Variants in QKI observed in about 807,000 individuals in gnomAD.
The protein encoded by QKI is KH domain-containing RNA-binding protein QKI.
QKI carries 10 observed loss-of-function variants against 39.0 expected under a neutral mutation model. The observed-to-expected ratio is 0.26, with a 90% CI of 0.16 to 0.43. The LOEUF (loss-of-function observed/expected upper bound fraction) is 0.43. Ranked by LOEUF, QKI falls within the 20% of genes least tolerant of loss-of-function variation. QKI has a pLI of 1.00. For synonymous variants in QKI, 204 were observed against 155.4 expected (o/e 1.31, Z -2.33); for missense variants, 218 against 428.0 (o/e 0.51, Z 4.33).
intron 7 of QKI, 140 bp downstream of exon 7, chr6:163,566,935 T>G (rs1259300034): frequency 6.9e-7 from 1 of 1,442,708 alleles, no homozygotes; most frequent in South Asian, 1.5e-5. Flanking sequence ...TTGTGATCAT[T>G]GACAGATTTA....
intron 7 of QKI, chr6:163,570,490 A>G (rs1025527559): frequency 5.1e-6 from 5 of 983,444 alleles, no homozygotes; most frequent in East Asian, 1.1e-4. Flanking sequence ...CATTTGTTCA[A>G]ATCATGATAC....
At position 163,415,435 on chromosome 6, in the gene QKI, G is replaced by C; in HGVS notation, c.142+100G>C. On this transcript the variant is annotated intron_variant, in intron 1 of 7. Coordinates refer to ENST00000361752, the MANE Select transcript of QKI (RefSeq NM_006775.3). ...GAGGGCGGGAAGGTCACGGCCGGGC[G>C]GGACCGAGCGCCGGGGGGACTGGGA... 5 of 1,214,948 alleles carry C rather than the reference G, an allele frequency of 4.1e-6. No individual in the cohort carries two copies. In the South Asian group the frequency reaches 7.7e-5, roughly 19 times the overall value. The allele number at this position is 1,214,948 out of a possible 1,614,324, so 75.3% of individuals were successfully genotyped here. A position where few individuals can be genotyped will look rare whatever the true frequency, so the allele number is the denominator to read the frequency against.
chr6:163,437,314 T>C (rs2128213369), intron 1 of QKI, among the ~76,000 whole-genome samples: 1 of 152,354 alleles, frequency 6.6e-6, no homozygotes, highest in East Asian at 1.9e-4. Context: ...ATACATATAG[T>C]ACTTATGTTA....
intron 3 of QKI, among the ~76,000 whole-genome samples, chr6:163,484,418 C>T (rs1793316375): frequency 6.6e-6 from 1 of 152,078 alleles, no homozygotes; most frequent in South Asian, 2.1e-4. Flanking sequence ...CCAGGCTAGT[C>T]TCGAACTCCT....
intron 2 of QKI, among the ~76,000 whole-genome samples, chr6:163,460,101 G>A (rs183304733): frequency 6.6e-6 from 1 of 152,200 alleles, no homozygotes; most frequent in Non-Finnish European, 1.5e-5. Flanking sequence ...ATATTGGCAA[G>A]GTCTAGCTGT....
At chr6:163,551,137 T>C (rs1311691704) in intron 4 of QKI, among the ~76,000 whole-genome samples, 1 of 152,132 alleles carries the variant, frequency 6.6e-6, no homozygotes, top group Non-Finnish European at 1.5e-5. Flanking sequence ...AAACACAAAA[T>C]CAGTTTCTCC....
intron 4 of QKI, among the ~76,000 whole-genome samples, chr6:163,555,980 A>G (rs952570950): frequency 1.3e-5 from 2 of 152,166 alleles, no homozygotes. Context: ...AAACATGAGG[A>G]CTTTGAATCA....
rs1554281795 is a variant in QKI at position 163,572,677 on chromosome 6, C to CCCCCCCCCCCCCCA, written c.*1971_*1972insCCCCCCCCCACCCC. On this transcript the variant is annotated 3_prime_UTR_variant, in exon 8 of 8. Transcript: ENST00000361752. ...AATCTCAAGTGACAGTGGACCCCCCCCCCCGCCCAGCTTATCAACTCGTCC... is the reference window on the plus strand; with the variant it reads ...AATCTCAAGTGACAGTGGACCCCCCCCCCCCCCCCCCCCACCCCGCCCAGCTTATCAACTCGTCC... 1 of 81,714 alleles carries CCCCCCCCCCCCCCA rather than the reference C, an allele frequency of 1.2e-5. No homozygotes were observed. Among genetic ancestry groups the CCCCCCCCCCCCCCA allele is most frequent in the Non-Finnish European group, 2.6e-5 (1 of 38,974 alleles). 5.1% of individuals were successfully genotyped at this position (81,714 alleles called of 1,614,324 possible).
chr6:163,569,241 T>TA, intron 7 of QKI: 1 of 969,394 alleles, frequency 1.0e-6, no homozygotes, highest in Non-Finnish European at 1.2e-6. Context: ...ACATTGAAGA[T>TA]ACAGTATTTT....
At chr6:163,491,514 A>G (rs1778053861) in intron 3 of QKI, among the ~76,000 whole-genome samples, 1 of 151,804 alleles carries the variant, frequency 6.6e-6, no homozygotes, top group African/African-American at 2.4e-5. Flanking sequence ...ATAAAATAAA[A>G]TTCATTTTAG....
intron 1 of QKI, among the ~76,000 whole-genome samples, chr6:163,427,332 T>A (rs2128209662): frequency 6.6e-6 from 1 of 151,360 alleles, no homozygotes; most frequent in Admixed American, 6.6e-5. Context: ...TCTACAATAT[T>A]AAGGAAAATA....
chr6:163,465,036 A>C (rs73015380), intron 2 of QKI, among the ~76,000 whole-genome samples: 1 of 152,196 alleles, frequency 6.6e-6, no homozygotes, highest in Non-Finnish European at 1.5e-5. Context: ...AACATATGCA[A>C]ATCATTAACT....
chr6:163,507,434 G>C (rs1253676623), intron 3 of QKI, among the ~76,000 whole-genome samples: 2 of 152,194 alleles, frequency 1.3e-5, no homozygotes, highest in African/African-American at 4.8e-5. Context: ...AATAGAGTTG[G>C]TCCTTGAAGG....
At chr6:163,564,281 TTTGGTGTA>T (rs1212581403) in intron 6 of QKI, 4 of 1,003,560 alleles carry the variant, frequency 4.0e-6, no homozygotes, top group East Asian at 1.5e-4. Context: ...AGTTTCATCA[TTTGGTGTA>T]CATCATAGAG....
chr6:163,569,997 A>G, intron 7 of QKI: 1 of 986,380 alleles, frequency 1.0e-6, no homozygotes, highest in Non-Finnish European at 1.2e-6. Flanking sequence ...GCTAGTGCAA[A>G]AGGCCTGGCC....
chr6:163,571,673 AT>A lies in QKI; in HGVS notation c.*964del, dbSNP rs1783709610. The A allele has an allele frequency of 6.6e-6, 1 of 152,002 alleles. No individual in the cohort carries two copies. Among genetic ancestry groups the A allele is most frequent in the African/African-American group, 2.4e-5 (1 of 41,412 alleles). 9.4% of individuals were successfully genotyped at this position (152,002 alleles called of 1,614,324 possible). On this transcript the variant is annotated 3_prime_UTR_variant, in exon 8 of 8. Transcript: ENST00000361752. ...TACAAGGGTGCTGGTGCAGAAAAAA[AT>A]ATATATATTTTTGGAAATGTAGCAT...
chr6:163,562,814 T>TA (rs1562547516), intron 5 of QKI, among the ~76,000 whole-genome samples: 1 of 152,204 alleles, frequency 6.6e-6, no homozygotes, highest in Non-Finnish European at 1.5e-5. Flanking sequence ...GGTTTAGAAG[T>TA]AGTTACTTTA....
chr6:163,530,215 C>T (rs919307322), intron 3 of QKI, among the ~76,000 whole-genome samples: 4 of 152,076 alleles, frequency 2.6e-5, no homozygotes, highest in Non-Finnish European at 5.9e-5. Context: ...TAAAAAGAAA[C>T]GAATGCCTCG....
At chr6:163,441,239 T>C (rs929112003) in intron 1 of QKI, among the ~76,000 whole-genome samples, 1 of 152,198 alleles carries the variant, frequency 6.6e-6, no homozygotes, top group African/African-American at 2.4e-5. Flanking sequence ...ACATATGTTA[T>C]TAGCAAAGTG....
Sources: allele counts gnomAD v4.1 joint callset (sites outside exome capture counted in the v4.1 genomes callset), GRCh38; gene constraint gnomAD v4.1.1; transcripts MANE v1.5; gene names NCBI Gene and HGNC (gene_info 2026-07-23, HGNC 2026-07-21).